ABLIM3: variants seen among roughly 807,000 people sequenced by gnomAD.
ABLIM3 encodes actin-binding LIM protein 3.
In ABLIM3, 61 loss-of-function variants were observed where a neutral mutation model predicts 109.5. The observed-to-expected ratio is 0.56, with a 90% CI of 0.45 to 0.69. ABLIM3 has a LOEUF of 0.69. Among genes scored for constraint, ABLIM3 ranks in the 30% least tolerant of loss-of-function variants. The pLI is 0.00. For synonymous variants in ABLIM3, 300 were observed against 324.8 expected (o/e 0.92, Z 0.82); for missense variants, 796 against 889.5 (o/e 0.89, Z 1.34).
At chr5:149,148,643 G>A (rs1331635881) in intron 2 of ABLIM3, among the ~76,000 whole-genome samples, 2 of 152,088 alleles carry the variant, frequency 1.3e-5, no homozygotes, top group Non-Finnish European at 2.9e-5. Flanking sequence ...TTAAAGTGAG[G>A]CTCCCATGCT....
At chr5:149,224,134 G>T (rs966365587) in intron 8 of ABLIM3, among the ~76,000 whole-genome samples, 1 of 152,234 alleles carries the variant, frequency 6.6e-6, no homozygotes, top group East Asian at 1.9e-4. Context: ...TTGTTATAAA[G>T]TGTGTGACAC....
At chr5:149,231,580 T>A (rs1000974610) in intron 9 of ABLIM3, among the ~76,000 whole-genome samples, 1 of 152,244 alleles carries the variant, frequency 6.6e-6, no homozygotes, top group Non-Finnish European at 1.5e-5. Flanking sequence ...TCTCATCCAC[T>A]TAATGAAAGT....
At chr5:149,246,281 A>T (rs1197421062) in intron 16 of ABLIM3, among the ~76,000 whole-genome samples, 3 of 152,216 alleles carry the variant, frequency 2.0e-5, no homozygotes, top group Admixed American at 2.0e-4. Flanking sequence ...CCATCCCCAC[A>T]GGAGAGGAGT....
chr5:149,199,495 A>G (rs1408758567), intron 4 of ABLIM3, among the ~76,000 whole-genome samples: 1 of 152,132 alleles, frequency 6.6e-6, no homozygotes, highest in Non-Finnish European at 1.5e-5. Flanking sequence ...GAGGGTTCCT[A>G]TGGTACAAGA....
intron 2 of ABLIM3, among the ~76,000 whole-genome samples, chr5:149,181,090 A>T (rs1388966733): frequency 2.0e-5 from 3 of 152,214 alleles, no homozygotes; most frequent in Non-Finnish European, 4.4e-5. Flanking sequence ...TGATGATTGT[A>T]CTATTCGTTC....
In ABLIM3 at chr5:149,260,396, G is replaced by C. The variant is rs889962737; in HGVS notation, c.*1992G>C. ...TTGAAGGGCTTTTGTTATTGTTGTT[G>C]GATATTTTTGTTTCCCATAAAAGCA... On this transcript the variant is annotated 3_prime_UTR_variant, in exon 24 of 24. Coordinates refer to ENST00000309868, the MANE Select transcript of ABLIM3 (RefSeq NM_014945.5). 5.2e-5 allele frequency: 8 copies of C among 152,488 alleles called. No homozygotes were observed. Among genetic ancestry groups the C allele is most frequent in the Non-Finnish European group, 1.2e-4 (8 of 68,024 alleles). 9.4% of individuals were successfully genotyped at this position (152,488 alleles called of 1,614,324 possible). A position where few individuals can be genotyped will look rare whatever the true frequency, so the allele number is the denominator to read the frequency against.
intron 18 of ABLIM3, among the ~76,000 whole-genome samples, chr5:149,249,365 C>G (rs1221509855): frequency 3.3e-5 from 5 of 152,238 alleles, no homozygotes; most frequent in Non-Finnish European, 7.3e-5. Context: ...GGCACTATCA[C>G]TCCCCATTTT....
At position 149,239,903 on chromosome 5, in the gene ABLIM3, G is replaced by T. The variant is rs185297268; in HGVS notation, c.1204+15G>T. 6.3e-7 allele frequency: 1 copy of T among 1,589,958 alleles called. No homozygotes were observed. The highest frequency in any genetic ancestry group is 8.6e-7 in the Non-Finnish European group (1 of 1,168,624). On this transcript the variant is annotated intron_variant, in intron 13 of 23. Transcript: ENST00000309868. ...CTACCGCTCTGGTAAGGAAGGGGGAGGACCTGAAGGGAGAGGAAGAGCCAG... is the reference window on the plus strand; with the variant it reads ...CTACCGCTCTGGTAAGGAAGGGGGATGACCTGAAGGGAGAGGAAGAGCCAG...
chr5:149,240,865 C>T, intron 14 of ABLIM3, 91 bp downstream of exon 14: 2 of 1,241,510 alleles, frequency 1.6e-6, no homozygotes, highest in Admixed American at 3.5e-5. Context: ...CACACAGGCA[C>T]CAAGAAGCTG....
chr5:149,245,022 C>T lies in ABLIM3; in HGVS notation c.1486+7C>T, dbSNP rs200554001. The T allele has an allele frequency of 5.5e-4, 893 of 1,614,158 alleles. 1 individual carries two copies. The highest frequency in any genetic ancestry group is 7.3e-4 in the Non-Finnish European group (859 of 1,180,022). On this transcript the variant is annotated splice_region_variant and intron_variant, in intron 16 of 23. Transcript: ENST00000309868. ...TACCATGGGTCCCCCAAAGGTAGTACCCCCATAGGAGCCTGGGTCCAGGGC... is the reference window on the plus strand; with the variant it reads ...TACCATGGGTCCCCCAAAGGTAGTATCCCCATAGGAGCCTGGGTCCAGGGC...
At chr5:149,156,865 A>G (rs958608645) in intron 2 of ABLIM3, among the ~76,000 whole-genome samples, 6 of 152,252 alleles carry the variant, frequency 3.9e-5, no homozygotes, top group Non-Finnish European at 7.3e-5. Context: ...ATCGAAATGT[A>G]TTTAGAAGAA....
At chr5:149,242,579 G>T (rs781571571) in intron 15 of ABLIM3, 41 bp downstream of exon 15, 8 of 1,608,640 alleles carry the variant, frequency 5.0e-6, no homozygotes, top group Middle Eastern at 1.7e-4. Context: ...CACAAGGAGA[G>T]GGGGGAGGTT....
At chr5:149,141,749 G>C (rs898507493) in intron 1 of ABLIM3, 95 bp downstream of exon 1, 4 of 309,260 alleles carry the variant, frequency 1.3e-5, no homozygotes, top group African/African-American at 8.7e-5. Context: ...TTTGGGCTCC[G>C]GAGCCGCTGG....
At chr5:149,194,573 A>G (rs1204751000) in intron 3 of ABLIM3, among the ~76,000 whole-genome samples, 1 of 152,252 alleles carries the variant, frequency 6.6e-6, no homozygotes, top group Non-Finnish European at 1.5e-5. Flanking sequence ...TGATGTATTC[A>G]GGCAGTGGAA....
chr5:149,198,172 C>G lies in ABLIM3; in HGVS notation c.152-47C>G. 6.4e-7 allele frequency: 1 copy of G among 1,558,144 alleles called. No homozygotes were observed. The highest frequency in any genetic ancestry group is 1.7e-4 in the Middle Eastern group (1 of 5,792). On this transcript the variant is annotated intron_variant, in intron 3 of 23. Transcript: ENST00000309868. This position sits in a 1 kb window ranked among gnomAD's most constrained non-coding sequence, Gnocchi z 4.2. ...CCAGCGAGGACCTTCTGCTTACAGA[C>G]CCTCCCTGGACTCAACCTGCCCTTG...
In ABLIM3 at chr5:149,258,292, G is replaced by A. The variant is rs1200833676; in HGVS notation, c.1940G>A (p.Arg647His). 6.8e-6 allele frequency: 11 copies of A among 1,607,000 alleles called. No individual in the cohort carries two copies. The highest frequency in any genetic ancestry group is 9.3e-6 in the Non-Finnish European group (11 of 1,177,134). ...CCCCGCCTGCCCTGCCTCCTTCAGC[G>A]CCACCTGTCCCAGGAAGAGTTCTAC... Reference protein sequence around the residue: ...PKDVDRTRLERHLSQEEFYQV... With the variant: ...PKDVDRTRLEHHLSQEEFYQV... The change falls in exon 24 of 24, where the codon CGC becomes CAC. Residue 647 changes from arginine (R) to histidine (H), a missense_variant and splice_region_variant. By Grantham distance (29) the Arg-to-His change is conservative. Coordinates refer to ENST00000309868, the MANE Select transcript of ABLIM3 (RefSeq NM_014945.5).
intron 2 of ABLIM3, among the ~76,000 whole-genome samples, chr5:149,168,783 A>G (rs186524599): frequency 1.3e-5 from 2 of 152,372 alleles, no homozygotes; most frequent in South Asian, 2.1e-4. Context: ...ACACATTAGT[A>G]TCAGATATCA....
intron 1 of ABLIM3, 121 bp from the exon 2 acceptor site, chr5:149,141,888 G>T: frequency 1.5e-6 from 1 of 686,718 alleles, no homozygotes; most frequent in Non-Finnish European, 2.6e-6. Context: ...TCTCACCTGC[G>T]CCTATTAGTC....
At chr5:149,228,527 A>G (rs1761537795) in intron 8 of ABLIM3, among the ~76,000 whole-genome samples, 1 of 152,234 alleles carries the variant, frequency 6.6e-6, no homozygotes, top group South Asian at 2.1e-4. Flanking sequence ...GAGAATAACC[A>G]TCTTCTTCAC....
Sources: allele counts gnomAD v4.1 joint callset (sites outside exome capture counted in the v4.1 genomes callset), GRCh38; gene constraint gnomAD v4.1.1; non-coding constraint Gnocchi (gnomAD v3.1); transcripts MANE v1.5; gene names NCBI Gene and HGNC (gene_info 2026-07-23, HGNC 2026-07-21).